Variants in CHD7 observed in about 807,000 individuals in gnomAD.
CHD7 encodes chromodomain helicase DNA binding protein 7.
CHD7 carries 24 observed loss-of-function variants against 307.3 expected under a neutral mutation model. The ratio of observed to expected loss-of-function variants is 0.08; its 90% CI spans 0.06 to 0.11. CHD7 has a LOEUF of 0.11. Ranked by LOEUF, CHD7 falls within the 10% of genes least tolerant of loss-of-function variation. The pLI is 1.00. For missense variants in CHD7, 3,106 were observed against 3,727.1 expected, an observed-to-expected ratio of 0.83 and a Z score of 4.34; for synonymous variants, 1,363 against 1,349.9, an observed-to-expected ratio of 1.01 and a Z score of -0.21.
rs1805400585 is a variant in CHD7, at chr8:60,850,417, A to G, written c.5405-76A>G. 11 of 1,519,988 alleles carry G rather than the reference A, an allele frequency of 7.2e-6. 1 individual carries two copies. The South Asian group carries it at 1.1e-4, about 16-fold the overall frequency. The allele number at this position is 1,519,988 out of a possible 1,614,324, so 94.2% of individuals were successfully genotyped here. ...CTGAAAAACAAACTTGTGTTGTGGC[A>G]GTGCTGTGATTTTGCCAGTGATGGG... On this transcript the variant is annotated intron_variant, in intron 25 of 37. Coordinates refer to ENST00000423902, the MANE Select transcript of CHD7 (RefSeq NM_017780.4).
intron 1 of CHD7, among the ~76,000 whole-genome samples, chr8:60,733,551 A>G (rs1022182371): frequency 6.6e-6 from 1 of 152,100 alleles, no homozygotes; most frequent in African/African-American, 2.4e-5. Context: ...AGCTTCAGAG[A>G]GGTATTTGAA....
intron 2 of CHD7, among the ~76,000 whole-genome samples, chr8:60,752,003 T>C (rs1227058037): frequency 6.6e-6 from 1 of 152,182 alleles, no homozygotes; most frequent in Non-Finnish European, 1.5e-5. Context: ...ACATGCCTTT[T>C]TGATGCTGTT....
intron 17 of CHD7, 105 bp downstream of exon 17, chr8:60,837,117 A>C (rs1029683186): frequency 2.5e-5 from 22 of 875,822 alleles, no homozygotes; most frequent in Admixed American, 1.3e-4. Context: ...GTCGTCACTC[A>C]GGCTGTGTCC....
At chr8:60,832,522 G>C (rs140892172) in intron 15 of CHD7, among the ~76,000 whole-genome samples, 1 of 152,192 alleles carries the variant, frequency 6.6e-6, no homozygotes, top group Non-Finnish European at 1.5e-5. Flanking sequence ...ATGAGGACAC[G>C]TGTGTGCATG....
rs1400027837 is a variant in CHD7, at chr8:60,837,799, A to G, written c.4317A>G (p.Leu1439=). 4 of 1,613,824 alleles carry G rather than the reference A, an allele frequency of 2.5e-6. No individual in the cohort carries two copies. The highest frequency in any genetic ancestry group is 2.7e-5 in the African/African-American group (2 of 74,928). ...SLKLGLDKAV[L]QSMSGRENAT... is the part of the protein sequence containing the mutation. ...AACTGGGCCTGGATAAAGCTGTGCT[A>G]CAGTCTATGAGTGGAAGAGAAAATG... is the stretch of plus-strand genomic sequence containing the variant. Residue 1439 remains leucine, a synonymous_variant, in exon 18 of 38, where the codon CTA becomes CTG. Coordinates refer to ENST00000423902, the MANE Select transcript of CHD7 (RefSeq NM_017780.4).
chr8:60,697,019 A>T (rs1806515413), intron 1 of CHD7, among the ~76,000 whole-genome samples: 1 of 152,102 alleles, frequency 6.6e-6, no homozygotes, highest in Non-Finnish European at 1.5e-5. Context: ...GTGAGATCTG[A>T]ATTTGATTAA....
intron 3 of CHD7, among the ~76,000 whole-genome samples, chr8:60,784,021 G>A (rs1811379267): frequency 6.6e-6 from 1 of 152,212 alleles, no homozygotes. Flanking sequence ...AATTGAGTAT[G>A]TCGCATTGTG....
intron 8 of CHD7, among the ~76,000 whole-genome samples, chr8:60,817,960 C>T (rs929909333): frequency 1.3e-5 from 2 of 152,198 alleles, no homozygotes; most frequent in Non-Finnish European, 2.9e-5. Context: ...ATTCTCTCTC[C>T]TGTAGTCACA....
At chr8:60,807,567 C>T (rs1448319002) in intron 6 of CHD7, among the ~76,000 whole-genome samples, 1 of 152,164 alleles carries the variant, frequency 6.6e-6, no homozygotes, top group African/African-American at 2.4e-5. Flanking sequence ...TTTAACCTTA[C>T]CTAAATGTAG....
intron 2 of CHD7, among the ~76,000 whole-genome samples, chr8:60,749,708 C>T (rs1450528949): frequency 2.0e-5 from 3 of 152,088 alleles, no homozygotes; most frequent in Non-Finnish European, 2.9e-5. Flanking sequence ...GCAGGTTGCC[C>T]CATCTGGTGC....
rs752708986 is a variant in CHD7 at position 60,865,306 on chromosome 8, G to A, written c.8367G>A (p.Ala2789=). 111 of 1,611,078 alleles carry A rather than the reference G, an allele frequency of 6.9e-5. No individual in the cohort carries two copies. Among genetic ancestry groups the A allele is most frequent in the Admixed American group, 1.0e-4 (6 of 59,594 alleles). Residue 2789 remains alanine (A), a synonymous_variant, in exon 38 of 38, where the codon GCG becomes GCA. Coordinates refer to ENST00000423902, the MANE Select transcript of CHD7 (RefSeq NM_017780.4). This position sits in a 1 kb window ranked among gnomAD's most constrained non-coding sequence, Gnocchi z 4.3. ...CAGCTGCCACCGCCGGAGGCGATGC[G>A]AAGAACCCTGCTGCTGTGCTGCCCC... is the stretch of plus-strand genomic sequence containing the variant. ...LATAATAGGD[A]KNPAAVLPLM... is the part of the protein sequence containing the mutation.
chr8:60,696,732 C>G (rs1267244256), intron 1 of CHD7, among the ~76,000 whole-genome samples: 1 of 151,816 alleles, frequency 6.6e-6, no homozygotes, highest in Non-Finnish European at 1.5e-5. Context: ...AGGACTCTGA[C>G]AGTTTTTCAG....
intron 1 of CHD7, among the ~76,000 whole-genome samples, chr8:60,706,787 A>G (rs1233671893): frequency 6.6e-6 from 1 of 152,120 alleles, no homozygotes; most frequent in Non-Finnish European, 1.5e-5. Flanking sequence ...TTATTTTAAC[A>G]TTGCTTAGTA....
At chr8:60,776,574 G>C (rs1230790289) in intron 2 of CHD7, among the ~76,000 whole-genome samples, 1 of 151,912 alleles carries the variant, frequency 6.6e-6, no homozygotes, top group African/African-American at 2.4e-5. Flanking sequence ...GCCTGGGTTA[G>C]GTGCTCTGCA....
chr8:60,852,376 A>G, intron 29 of CHD7, 122 bp from the exon 30 acceptor site: 1 of 1,279,390 alleles, frequency 7.8e-7, no homozygotes, highest in Non-Finnish European at 1.1e-6. Context: ...CCAACAAAGC[A>G]GTCTGTTTCC....
chr8:60,838,119 A>C lies in CHD7; in HGVS notation c.4397A>C (p.Lys1466Thr). 1 of 1,537,180 alleles carries C rather than the reference A, an allele frequency of 6.5e-7. No individual in the cohort carries two copies. Among genetic ancestry groups the C allele is most frequent in the Non-Finnish European group, 8.8e-7 (1 of 1,142,086 alleles). ...AAAGAAATAGAGGATCTTCTACGAA[A>C]AGGGGCCTATGGTGCACTCATGGAT... ...SKKEIEDLLR[K>T]GAYGALMDEE... Residue 1466 changes from lysine to threonine, a missense_variant, in exon 19 of 38, where the codon AAA becomes ACA. Physicochemically the swap from Lys to Thr is moderately conservative, Grantham distance 78. Around this residue, in one of 10 missense-constraint regions of CHD7, gnomAD observed 93 missense variants for 176.4 expected, o/e 0.53. Transcript: ENST00000423902.
At chr8:60,842,738 C>T (rs899822380) in intron 21 of CHD7, among the ~76,000 whole-genome samples, 4 of 152,148 alleles carry the variant, frequency 2.6e-5, no homozygotes, top group South Asian at 2.1e-4. Flanking sequence ...GATCTGATGA[C>T]GTCCTGTCTT....
intron 1 of CHD7, among the ~76,000 whole-genome samples, chr8:60,690,963 C>T (rs748818211): frequency 2.6e-5 from 4 of 152,202 alleles, no homozygotes; most frequent in Non-Finnish European, 5.9e-5. Flanking sequence ...CCTGCTCTGT[C>T]TCACAGGCTG....
chr8:60,852,479 A>AAG lies in CHD7; in HGVS notation c.5895-18_5895-17insGA, dbSNP rs1805499097. 5.0e-6 allele frequency: 8 copies of AAG among 1,595,822 alleles called. No individual in the cohort carries two copies. In the African/African-American group the frequency reaches 5.4e-5, roughly 11 times the overall value. On this transcript the variant is annotated intron_variant, in intron 29 of 37. Transcript: ENST00000423902. ...CTTTTCCTGAAGTATGATGCAAGCT[A>AAG]ATATAATCTTTCTAACAGGTGGACA...
Sources: gnomAD v4.1 joint callset for allele counts (sites outside exome capture counted in the v4.1 genomes callset) on GRCh38, gnomAD v4.1.1 for gene constraint, gnomAD v4.1.1 regional missense constraint, Gnocchi (gnomAD v3.1) non-coding constraint, MANE v1.5 for transcripts, NCBI Gene and HGNC (gene_info 2026-07-23, HGNC 2026-07-21) for gene names.